The following KPNA4 variants were observed in gnomAD, a reference collection of about 807,000 sequenced individuals.
KPNA4 encodes karyopherin subunit alpha 4.
KPNA4 carries 13 observed loss-of-function variants against 71.3 expected under a neutral mutation model. That is an observed-to-expected ratio of 0.18 (90% confidence interval 0.12 to 0.29). The LOEUF is 0.29. Among genes scored for constraint, KPNA4 ranks in the 10% least tolerant of loss-of-function variants. The pLI is 1.00. For synonymous variants in KPNA4, 189 were observed against 195.2 expected, an observed-to-expected ratio of 0.97 and a Z score of 0.26; for missense variants, 334 against 603.2, an observed-to-expected ratio of 0.55 and a Z score of 4.67.
At chr3:160,550,270 CTTGT>C (rs992108049) in intron 1 of KPNA4, among the ~76,000 whole-genome samples, 6 of 152,038 alleles carry the variant, frequency 3.9e-5, no homozygotes, top group South Asian at 4.1e-4. Flanking sequence ...GGTGAGCATC[CTTGT>C]TTGTTTTGTT....
rs775405166 is a variant in KPNA4, at chr3:160,515,258, T to C, written c.1032+194A>G. 5 of 655,922 alleles carry C rather than the reference T, an allele frequency of 7.6e-6. No individual in the cohort carries two copies. The South Asian group carries it at 7.7e-5, about 10-fold the overall frequency. The allele number at this position is 655,922 out of a possible 1,614,324, so 40.6% of individuals were successfully genotyped here. On this transcript the variant is annotated intron_variant, in intron 12 of 16. Transcript: ENST00000334256. ...TCCAAGAGAGCCAAAATTGCACTTT[T>C]CATAACTGGTTTTATGTATGAAAAA... is the stretch of plus-strand genomic sequence containing the variant.
rs1249095296 is a variant in KPNA4, at chr3:160,526,078, T to A, written c.586A>T (p.Ile196Leu). Residue 196 changes from isoleucine to leucine, a missense_variant, in exon 9 of 17, where the codon ATA becomes TTA. Coordinates refer to ENST00000334256, the MANE Select transcript of KPNA4 (RefSeq NM_002268.5). The part of the protein sequence containing the change: ...GDGPQCRDYV[I>L]SLGVVKPLLS... Reference sequence around the variant, plus strand: ...AAAGGTTTCACAACTCCAAGACTTATGACATAATCTCTACACTGGGGCCCA... The same window carrying A: ...AAAGGTTTCACAACTCCAAGACTTAAGACATAATCTCTACACTGGGGCCCA... 3.2e-6 allele frequency: 5 copies of A among 1,581,206 alleles called. No individual in the cohort carries two copies. The highest frequency in any genetic ancestry group is 4.3e-6 in the Non-Finnish European group (5 of 1,167,100).
intron 1 of KPNA4, among the ~76,000 whole-genome samples, chr3:160,559,519 T>C (rs1240473453): frequency 2.6e-5 from 4 of 152,182 alleles, no homozygotes; most frequent in Non-Finnish European, 4.4e-5. Context: ...AAAAGATGGG[T>C]AAATGTTACA....
intron 1 of KPNA4, among the ~76,000 whole-genome samples, chr3:160,539,897 T>C (rs1421956099): frequency 2.6e-5 from 4 of 152,126 alleles, no homozygotes; most frequent in African/African-American, 9.7e-5. Context: ...ACATACTGCA[T>C]ATTTACATAA....
At position 160,495,291 on chromosome 3, in the gene KPNA4, G is replaced by T. The variant is rs903292342; in HGVS notation, c.*6813C>A. On this transcript the variant is annotated 3_prime_UTR_variant, in exon 17 of 17. Transcript: ENST00000334256. ...GACTTCTTGAAGGAGTAAATATCTA[G>T]AATATTCAAGGACGTAAAGTGCGGT... The T allele has an allele frequency of 6.6e-6, 1 of 152,202 alleles. No homozygotes were observed. The highest frequency in any genetic ancestry group is 2.4e-5 in the African/African-American group (1 of 41,444). 9.4% of individuals were successfully genotyped at this position (152,202 alleles called of 1,614,324 possible). A position where few individuals can be genotyped will look rare whatever the true frequency, so the allele number is the denominator to read the frequency against.
At chr3:160,531,630 G>A (rs979842256) in intron 5 of KPNA4, 73 bp from the exon 6 acceptor site, 2 of 723,992 alleles carry the variant, frequency 2.8e-6, no homozygotes, top group Non-Finnish European at 4.3e-6. Context: ...ATTCATATTT[G>A]ACAAATATTA....
rs971340771 is a variant in KPNA4, at chr3:160,495,064, T to G, written c.*7040A>C. The G allele has an allele frequency of 6.6e-6, 1 of 152,214 alleles. No homozygotes were observed. Among genetic ancestry groups the G allele is most frequent in the African/African-American group, 2.4e-5 (1 of 41,430 alleles). The allele number at this position is 152,214 out of a possible 1,614,324, so 9.4% of individuals were successfully genotyped here. ...GAACTCATGGTACCTTCACGGTGTT[T>G]ACAGAACTTTGCTTATATGCCGACC... On this transcript the variant is annotated 3_prime_UTR_variant, in exon 17 of 17. Coordinates refer to ENST00000334256, the MANE Select transcript of KPNA4 (RefSeq NM_002268.5).
At chr3:160,526,803 GT>G (rs1721468212) in intron 8 of KPNA4, among the ~76,000 whole-genome samples, 1 of 152,150 alleles carries the variant, frequency 6.6e-6, no homozygotes. Context: ...GAGATAAAAT[GT>G]TTGTTCTTTT....
intron 7 of KPNA4, among the ~76,000 whole-genome samples, chr3:160,528,389 G>A (rs764912762): frequency 4.0e-5 from 6 of 150,398 alleles, no homozygotes; most frequent in African/African-American, 7.3e-5. Flanking sequence ...TTTTTGAGAC[G>A]GAGTCTCACT....
At chr3:160,505,387 A>G (rs1720964857) in intron 15 of KPNA4, among the ~76,000 whole-genome samples, 1 of 152,200 alleles carries the variant, frequency 6.6e-6, no homozygotes, top group Non-Finnish European at 1.5e-5. Context: ...AAAAAGCGGA[A>G]TCTTCCTACT....
intron 11 of KPNA4, among the ~76,000 whole-genome samples, chr3:160,518,511 C>A (rs1016315463): frequency 1.3e-5 from 2 of 151,452 alleles, no homozygotes; most frequent in Non-Finnish European, 2.9e-5. Flanking sequence ...GTCGTTCTTG[C>A]CCATCTGTTG....
intron 13 of KPNA4, among the ~76,000 whole-genome samples, chr3:160,513,862 C>A (rs529976271): frequency 2.0e-5 from 3 of 152,078 alleles, no homozygotes; most frequent in African/African-American, 7.2e-5. Flanking sequence ...GAATGATACA[C>A]AGAAAGGGCT....
chr3:160,559,179 G>A (rs1228090530), intron 1 of KPNA4, among the ~76,000 whole-genome samples: 1 of 152,138 alleles, frequency 6.6e-6, no homozygotes, highest in African/African-American at 2.4e-5. Context: ...TCACAAAAAT[G>A]AGCAAAGTGA....
chr3:160,542,095 G>C (rs1721810866), intron 1 of KPNA4, among the ~76,000 whole-genome samples: 1 of 152,136 alleles, frequency 6.6e-6, no homozygotes, highest in African/African-American at 2.4e-5. Flanking sequence ...CAAAAAGAGA[G>C]AACTATGAAA....
chr3:160,498,931 T>C lies in KPNA4; in HGVS notation c.*3173A>G, dbSNP rs1167503655. 1 of 152,226 alleles carries C rather than the reference T, an allele frequency of 6.6e-6. No individual in the cohort carries two copies. The highest frequency in any genetic ancestry group is 1.5e-5 in the Non-Finnish European group (1 of 68,032). The allele number at this position is 152,226 out of a possible 1,614,324, so 9.4% of individuals were successfully genotyped here. A position where few individuals can be genotyped will look rare whatever the true frequency, so the allele number is the denominator to read the frequency against. On this transcript the variant is annotated 3_prime_UTR_variant, in exon 17 of 17. Transcript: ENST00000334256. ...AATTCAAAATTTAGCTTAATCTCTG[T>C]AACTTTTTCCTTGAGGAAACTGAGG...
chr3:160,534,726 A>AAAAAAAAAAAG (rs1721649395), intron 5 of KPNA4, among the ~76,000 whole-genome samples: 3 of 150,776 alleles, frequency 2.0e-5, no homozygotes, highest in Non-Finnish European at 3.0e-5. Flanking sequence ...CAGAAAAAAA[A>AAAAAAAAAAAG]AAAAAAAAAG....
At chr3:160,528,565 C>T (rs1443932412) in intron 7 of KPNA4, among the ~76,000 whole-genome samples, 5 of 152,142 alleles carry the variant, frequency 3.3e-5, no homozygotes, top group Admixed American at 6.5e-5. Flanking sequence ...AGGGTTTCAC[C>T]GTATTGGCCA....
At chr3:160,513,694 T>C (rs1721147174) in intron 13 of KPNA4, among the ~76,000 whole-genome samples, 1 of 152,260 alleles carries the variant, frequency 6.6e-6, no homozygotes, top group African/African-American at 2.4e-5. Context: ...CAGGGTTTCT[T>C]CATCTATCAA....
intron 1 of KPNA4, among the ~76,000 whole-genome samples, chr3:160,561,526 T>G (rs899359164): frequency 1.3e-5 from 2 of 152,192 alleles, no homozygotes; most frequent in Admixed American, 6.5e-5. Flanking sequence ...TATGCCTTCT[T>G]TGGTGCGTTT....
Sources: allele counts gnomAD v4.1 joint callset (sites outside exome capture counted in the v4.1 genomes callset), GRCh38; gene constraint gnomAD v4.1.1; transcripts MANE v1.5; gene names NCBI Gene and HGNC (gene_info 2026-07-23, HGNC 2026-07-21).